NPFFR2: variants seen among roughly 807,000 people sequenced by gnomAD.
NPFFR2 encodes G-protein coupled receptor 74.
Under a neutral mutation model 13.1 loss-of-function variants are expected in NPFFR2, and 15 were observed. The ratio of observed to expected loss-of-function variants is 1.15; its 90% CI spans 0.77 to 1.76. The LOEUF (loss-of-function observed/expected upper bound fraction) is 1.76. Ranked by LOEUF, NPFFR2 falls within the 40% of genes most tolerant of loss-of-function variation. The pLI is 0.00. For missense variants in NPFFR2, 572 were observed against 503.5 expected, an observed-to-expected ratio of 1.14 and a Z score of -1.30; for synonymous variants, 190 against 175.7, an observed-to-expected ratio of 1.08 and a Z score of -0.65.
chr4:72,092,215 T>G (rs969748135), intron 1 of NPFFR2, among the ~76,000 whole-genome samples: 1 of 152,080 alleles, frequency 6.6e-6, no homozygotes, highest in African/African-American at 2.4e-5. Context: ...TGATATAATC[T>G]CAATTTTCTT....
intron 1 of NPFFR2, among the ~76,000 whole-genome samples, chr4:72,090,184 G>A (rs577227144): frequency 3.2e-4 from 49 of 152,076 alleles, no homozygotes; most frequent in Non-Finnish European, 5.9e-4. Context: ...TTGGTCTATT[G>A]CCTGTCTTTA....
chr4:72,075,594 A>G (rs1176708453), intron 1 of NPFFR2, among the ~76,000 whole-genome samples: 1 of 152,134 alleles, frequency 6.6e-6, no homozygotes. Flanking sequence ...TCTAACATAC[A>G]TATGTGGAAC....
intron 1 of NPFFR2, among the ~76,000 whole-genome samples, chr4:72,064,117 A>G (rs1309781367): frequency 6.6e-6 from 1 of 152,242 alleles, no homozygotes; most frequent in African/African-American, 2.4e-5. Context: ...GAGGTAAAAT[A>G]TGATAGTACT....
intron 1 of NPFFR2, among the ~76,000 whole-genome samples, chr4:72,087,310 A>T (rs1720797938): frequency 6.6e-6 from 1 of 152,136 alleles, no homozygotes; most frequent in African/African-American, 2.4e-5. Flanking sequence ...GTTGTTTAAC[A>T]TTGTTGCTAA....
At chr4:72,140,516 T>A (rs1019775117) in intron 3 of NPFFR2, among the ~76,000 whole-genome samples, 10 of 152,220 alleles carry the variant, frequency 6.6e-5, no homozygotes, top group Non-Finnish European at 1.5e-5. Context: ...ATTGAGATAA[T>A]CATGTGGTGT....
intron 1 of NPFFR2, among the ~76,000 whole-genome samples, chr4:72,066,760 A>G (rs1394140223): frequency 1.3e-5 from 2 of 152,176 alleles, no homozygotes; most frequent in African/African-American, 4.8e-5. Flanking sequence ...CATGTCTCAC[A>G]TTCCAGGAAC....
At chr4:72,049,069 A>G (rs1719467307) in intron 1 of NPFFR2, among the ~76,000 whole-genome samples, 1 of 152,058 alleles carries the variant, frequency 6.6e-6, no homozygotes, top group Non-Finnish European at 1.5e-5. Context: ...TTTTGAACCT[A>G]CCTTTTAACA....
chr4:72,121,184 G>A (rs1721864529), intron 1 of NPFFR2, among the ~76,000 whole-genome samples: 1 of 151,974 alleles, frequency 6.6e-6, no homozygotes, highest in South Asian at 2.1e-4. Flanking sequence ...AATAAAGCGT[G>A]AAGACAAGAC....
chr4:72,046,337 G>A lies in NPFFR2; in HGVS notation c.-8+14137G>A, dbSNP rs116775970. 2.6e-3 allele frequency among the ~76,000 whole-genome samples: 401 copies of A among 152,270 alleles called. 4 individuals carry two copies. The highest frequency in any genetic ancestry group is 9.2e-3 in the African/African-American group (383 of 41,558). On this transcript the variant is annotated intron_variant, in intron 1 of 3. Coordinates refer to ENST00000308744, the MANE Select transcript of NPFFR2 (RefSeq NM_004885.3). ...GGTCATGGGAGTTTCACCCTCATGA[G>A]TGGATTAATGCCATCATTGCAGAAG...
intron 3 of NPFFR2, among the ~76,000 whole-genome samples, chr4:72,141,669 T>G (rs1271539410): frequency 6.6e-6 from 1 of 152,078 alleles, no homozygotes. Flanking sequence ...TGAGGAGTGC[T>G]TTACTTCCAA....
intron 3 of NPFFR2, among the ~76,000 whole-genome samples, chr4:72,138,596 CTTTTTA>C (rs1722496372): frequency 6.6e-6 from 1 of 151,998 alleles, no homozygotes; most frequent in Non-Finnish European, 1.5e-5. Context: ...TGAACTCATC[CTTTTTA>C]TGGCTGCATA....
rs1408433818 is a variant in NPFFR2, at chr4:72,044,663, T to A, written c.-8+12463T>A. On this transcript the variant is annotated intron_variant, in intron 1 of 3. Transcript: ENST00000308744. The stretch of plus-strand genomic sequence containing the variant: ...GATAATCAGTGATGTTGAGAATTTT[T>A]TTTCATGTAGCCATTGGCCATGTTT... 2.0e-5 allele frequency among the ~76,000 whole-genome samples: 3 copies of A among 151,898 alleles called. No homozygotes were observed. In the East Asian group the frequency reaches 5.8e-4, roughly 29 times the overall value.
chr4:72,070,549 GTGTGTGT>G (rs1720213743), intron 1 of NPFFR2, among the ~76,000 whole-genome samples: 1 of 2,424 alleles, frequency 4.1e-4, no homozygotes, highest in African/African-American at 7.3e-4. Flanking sequence ...TATCGTGTGT[GTGTGTGT>G]GTGTGGGGGG....
intron 1 of NPFFR2, among the ~76,000 whole-genome samples, chr4:72,095,388 C>T (rs1243368488): frequency 5.9e-5 from 9 of 152,078 alleles, no homozygotes; most frequent in Non-Finnish European, 1.2e-4. Context: ...CACTCAGAGG[C>T]TCTTTTTGTG....
At chr4:72,034,303 G>C (rs1250194915) in intron 1 of NPFFR2, among the ~76,000 whole-genome samples, 1 of 152,160 alleles carries the variant, frequency 6.6e-6, no homozygotes, top group Non-Finnish European at 1.5e-5. Context: ...TCAAAGTTCT[G>C]CAGGGCTGAG....
At chr4:72,099,288 G>A (rs1260825421) in intron 1 of NPFFR2, among the ~76,000 whole-genome samples, 1 of 151,326 alleles carries the variant, frequency 6.6e-6, no homozygotes, top group Non-Finnish European at 1.5e-5. Flanking sequence ...AATGGATCTG[G>A]TAAAAAATTG....
intron 1 of NPFFR2, among the ~76,000 whole-genome samples, chr4:72,075,051 G>A (rs185201209): frequency 3.3e-5 from 5 of 152,246 alleles, no homozygotes; most frequent in East Asian, 3.9e-4. Context: ...TTGATCCTGG[G>A]TGTGTCTGTG....
chr4:72,129,219 T>G (rs945583694), intron 2 of NPFFR2, among the ~76,000 whole-genome samples: 2 of 152,104 alleles, frequency 1.3e-5, no homozygotes, highest in African/African-American at 4.8e-5. Context: ...ATAAGATTTA[T>G]TATGTGTAGG....
chr4:72,079,701 C>T (rs1054047005), intron 1 of NPFFR2, among the ~76,000 whole-genome samples: 1 of 152,130 alleles, frequency 6.6e-6, no homozygotes, highest in Non-Finnish European at 1.5e-5. Flanking sequence ...TATGTTCAAA[C>T]TACACATCTG....
Sources: gnomAD v4.1 joint callset for allele counts (sites outside exome capture counted in the v4.1 genomes callset) on GRCh38, gnomAD v4.1.1 for gene constraint, MANE v1.5 for transcripts, NCBI Gene and HGNC (gene_info 2026-07-23, HGNC 2026-07-21) for gene names.